Variants in SUMF1 observed in about 807,000 individuals in gnomAD.
SUMF1 encodes the protein sulfatase modifying factor 1.
Under a neutral mutation model 47.6 loss-of-function variants are expected in SUMF1, and 48 were observed. The observed-to-expected ratio is 1.01, with a 90% CI of 0.80 to 1.28. The LOEUF is 1.28. Among genes scored for constraint, SUMF1 ranks in the 50% most tolerant of loss-of-function variants. SUMF1 has a pLI of 0.00. For synonymous variants in SUMF1, 230 were observed against 192.1 expected (o/e 1.20, Z -1.63); for missense variants, 571 against 485.4 (o/e 1.18, Z -1.66).
intron 8 of SUMF1, among the ~76,000 whole-genome samples, chr3:4,075,544 C>CA (rs1446506904): frequency 6.6e-6 from 1 of 152,086 alleles, no homozygotes; most frequent in Non-Finnish European, 1.5e-5. Flanking sequence ...AAGAGGAAGT[C>CA]AAATTGTCTC....
intron 3 of SUMF1, among the ~76,000 whole-genome samples, chr3:4,441,094 G>A (rs1009772463): frequency 1.3e-5 from 2 of 152,184 alleles, no homozygotes; most frequent in Non-Finnish European, 2.9e-5. Flanking sequence ...CAGGAGGTGA[G>A]TGGCAGGCGA....
intron 5 of SUMF1, 65 bp from the exon 6 acceptor site, chr3:4,417,307 A>G: frequency 7.5e-7 from 1 of 1,334,296 alleles, no homozygotes; most frequent in Non-Finnish European, 1.1e-6. Flanking sequence ...AAGTCAAGAG[A>G]AGGGATGCAA....
intron 9 of SUMF1, among the ~76,000 whole-genome samples, chr3:4,068,111 G>A (rs1695421703): frequency 6.6e-6 from 1 of 152,136 alleles, no homozygotes; most frequent in African/African-American, 2.4e-5. Flanking sequence ...GCAGAATTAG[G>A]TTCATCTGAG....
Position 4,312,984 on chromosome 3 carries a change from C to T in SUMF1, c.1014+63346G>A, listed in dbSNP as rs773358562. On this transcript the variant is annotated intron_variant and NMD_transcript_variant, in intron 8 of 12. Coordinates refer to the SUMF1 transcript ENST00000448413. ...CCGGATGCATTTGTGTCAAAACTCC[C>T]TGCCTCCCTGGCACTTGCTCCTGTC... 2.6e-5 allele frequency: 42 copies of T among 1,613,910 alleles called. No homozygotes were observed. In the South Asian group the frequency reaches 4.6e-4, roughly 18 times the overall value.
At chr3:4,130,202 C>G (rs780804096) in intron 8 of SUMF1, among the ~76,000 whole-genome samples, 1 of 152,130 alleles carries the variant, frequency 6.6e-6, no homozygotes, top group Non-Finnish European at 1.5e-5. Flanking sequence ...ATAAGCTTAA[C>G]CAACTGGCGA....
At chr3:4,228,042 G>A (rs145186076) in intron 8 of SUMF1, among the ~76,000 whole-genome samples, 175 of 152,194 alleles carry the variant, frequency 1.1e-3, no homozygotes, top group Non-Finnish European at 7.4e-5. Context: ...CCCTGCAATG[G>A]GAAAGAGTTT....
intron 1 of SUMF1, among the ~76,000 whole-genome samples, chr3:4,457,020 A>G (rs1287610909): frequency 7.2e-6 from 1 of 138,468 alleles, no homozygotes; most frequent in Admixed American, 7.5e-5. Context: ...GTGTGTGTAC[A>G]TATATATACG....
intron 8 of SUMF1, among the ~76,000 whole-genome samples, chr3:4,238,625 CT>C (rs1377563878): frequency 1.3e-5 from 2 of 151,892 alleles, no homozygotes; most frequent in Non-Finnish European, 2.9e-5. Flanking sequence ...GGGGTTGTTT[CT>C]TTTTTTCTCA....
chr3:4,098,709 C>A (rs1692961992), intron 8 of SUMF1, among the ~76,000 whole-genome samples: 1 of 152,106 alleles, frequency 6.6e-6, no homozygotes, highest in Non-Finnish European at 1.5e-5. Flanking sequence ...TACTTTGAAA[C>A]CTTTGGGATG....
At chr3:4,373,057 A>G (rs1245504193) in intron 8 of SUMF1, among the ~76,000 whole-genome samples, 1 of 152,220 alleles carries the variant, frequency 6.6e-6, no homozygotes, top group Non-Finnish European at 1.5e-5. Context: ...GACTAAATTA[A>G]AACAAATCCT....
intron 8 of SUMF1, among the ~76,000 whole-genome samples, chr3:4,222,689 C>T (rs1473486407): frequency 6.6e-6 from 1 of 152,100 alleles, no homozygotes; most frequent in Non-Finnish European, 1.5e-5. Flanking sequence ...CTCAACCCAT[C>T]AAGGTTCACT....
intron 8 of SUMF1, among the ~76,000 whole-genome samples, chr3:4,201,285 C>T (rs182796255): frequency 6.6e-5 from 10 of 152,112 alleles, no homozygotes; most frequent in Admixed American, 6.6e-4. Flanking sequence ...CTTCCAACCC[C>T]CACACACTAC....
intron 8 of SUMF1, among the ~76,000 whole-genome samples, chr3:4,157,181 G>A (rs1694471665): frequency 6.6e-6 from 1 of 151,446 alleles, no homozygotes; most frequent in South Asian, 2.1e-4. Flanking sequence ...CACAGAATAG[G>A]TTATTTAGCA....
intron 3 of SUMF1, among the ~76,000 whole-genome samples, chr3:4,442,385 A>G (rs1314179827): frequency 7.7e-6 from 1 of 129,858 alleles, no homozygotes. Context: ...CCTCCCGAGT[A>G]GCTGGGACTA....
At chr3:4,348,361 G>C (rs879880798) in intron 8 of SUMF1, among the ~76,000 whole-genome samples, 1 of 151,946 alleles carries the variant, frequency 6.6e-6, no homozygotes, top group African/African-American at 2.4e-5. Flanking sequence ...CAGAGACCTC[G>C]GAAGCAATAC....
At chr3:4,111,191 A>T (rs1336753658) in intron 8 of SUMF1, among the ~76,000 whole-genome samples, 4 of 151,956 alleles carry the variant, frequency 2.6e-5, no homozygotes, top group African/African-American at 7.3e-5. Flanking sequence ...CAGTTGGCCT[A>T]GTGGAACTTG....
At chr3:4,109,355 A>G (rs1365578950) in intron 8 of SUMF1, among the ~76,000 whole-genome samples, 1 of 152,042 alleles carries the variant, frequency 6.6e-6, no homozygotes, top group Non-Finnish European at 1.5e-5. Context: ...GCTGCCCTGA[A>G]CATTTTTTCC....
chr3:4,303,746 C>G, intron 8 of SUMF1: 2 of 1,484,338 alleles, frequency 1.3e-6, no homozygotes, highest in Non-Finnish European at 1.8e-6. Flanking sequence ...TCAGTCCATT[C>G]CCTGAAGCGC....
intron 8 of SUMF1, among the ~76,000 whole-genome samples, chr3:4,309,475 C>G (rs976433600): frequency 2.0e-5 from 3 of 152,138 alleles, no homozygotes; most frequent in Non-Finnish European, 2.9e-5. Context: ...TCAGTCAGGA[C>G]TCATTTGTTT....
Sources: allele counts gnomAD v4.1 joint callset (sites outside exome capture counted in the v4.1 genomes callset), GRCh38; gene constraint gnomAD v4.1.1; transcripts MANE v1.5; gene names NCBI Gene and HGNC (gene_info 2026-07-23, HGNC 2026-07-21).